The following ACYP2 variants were observed in gnomAD, a reference collection of about 807,000 sequenced individuals.
ACYP2 encodes acylphosphatase 2.
A neutral mutation model predicts 11.2 loss-of-function variants in ACYP2; 12 were observed. The observed-to-expected ratio is 1.08, with a 90% CI of 0.69 to 1.74. The LOEUF is 1.74. Among genes scored for constraint, ACYP2 ranks in the 40% most tolerant of loss-of-function variants. ACYP2 has a pLI of 0.00. For synonymous variants in ACYP2, 43 were observed against 32.2 expected (o/e 1.33, Z -1.13); for missense variants, 134 against 101.9 (o/e 1.31, Z -1.35).
At chr2:54,084,242 G>A (rs1392416134) in intron 4 of ACYP2, among the ~76,000 whole-genome samples, 1 of 152,142 alleles carries the variant, frequency 6.6e-6, no homozygotes, top group Non-Finnish European at 1.5e-5. Context: ...TTTAGGGAAT[G>A]TCAGTTCAAG....
chr2:54,220,717 T>C (rs1423786527), intron 6 of ACYP2, among the ~76,000 whole-genome samples: 1 of 152,242 alleles, frequency 6.6e-6, no homozygotes. Flanking sequence ...ACTTCTGAAG[T>C]CTGAGTTACC....
chr2:54,269,925 G>C (rs1470002524), intron 6 of ACYP2, among the ~76,000 whole-genome samples: 2 of 152,122 alleles, frequency 1.3e-5, no homozygotes, highest in Admixed American at 1.3e-4. Flanking sequence ...ATAACAGTCT[G>C]TTGAGTTGAT....
intron 4 of ACYP2, among the ~76,000 whole-genome samples, chr2:54,091,948 T>C (rs1228571827): frequency 6.6e-6 from 1 of 152,018 alleles, no homozygotes; most frequent in African/African-American, 2.4e-5. Flanking sequence ...TTTGTAATAG[T>C]CCGTGTGAGA....
At chr2:54,239,518 GC>G (rs774902829) in intron 6 of ACYP2, among the ~76,000 whole-genome samples, 6 of 152,150 alleles carry the variant, frequency 3.9e-5, no homozygotes, top group Non-Finnish European at 8.8e-5. Context: ...AGAAAAGCAT[GC>G]CCCATCCCAC....
intron 6 of ACYP2, among the ~76,000 whole-genome samples, chr2:54,276,636 CA>C (rs1558662831): frequency 2.3e-5 from 2 of 88,274 alleles, no homozygotes; most frequent in African/African-American, 1.1e-4. Context: ...CACACACACA[CA>C]CACACACACA....
chr2:54,274,072 G>A (rs943452481), intron 6 of ACYP2, among the ~76,000 whole-genome samples: 4 of 152,164 alleles, frequency 2.6e-5, no homozygotes, highest in Admixed American at 6.5e-5. Flanking sequence ...CTGAGACTGA[G>A]CAATTTACAA....
chr2:54,168,133 G>C (rs1042365842), intron 6 of ACYP2, among the ~76,000 whole-genome samples: 7 of 152,062 alleles, frequency 4.6e-5, no homozygotes, highest in African/African-American at 1.4e-4. Context: ...TGTCAAATCT[G>C]CTGTGTCCAG....
At chr2:54,071,347 C>A (rs1677031388) in intron 4 of ACYP2, among the ~76,000 whole-genome samples, 1 of 152,166 alleles carries the variant, frequency 6.6e-6, no homozygotes, top group African/African-American at 2.4e-5. Flanking sequence ...GTAAAACTAT[C>A]TCTGCTTACA....
intron 6 of ACYP2, among the ~76,000 whole-genome samples, chr2:54,204,360 T>C (rs1684987615): frequency 6.6e-6 from 1 of 151,954 alleles, no homozygotes; most frequent in Non-Finnish European, 1.5e-5. Context: ...TAGTGTATTT[T>C]ATGTGTGGCC....
chr2:54,080,919 C>T (rs1325516731), intron 4 of ACYP2, among the ~76,000 whole-genome samples: 1 of 152,176 alleles, frequency 6.6e-6, no homozygotes. Context: ...AGCCACCATG[C>T]CTGGCTGTTT....
chr2:54,066,196 A>G (rs1439721245), intron 4 of ACYP2: 1 of 152,196 alleles, frequency 6.6e-6, no homozygotes, highest in Non-Finnish European at 1.5e-5. Context: ...TCATGGCGGC[A>G]GTTTTCCTCA....
chr2:53,973,992 C>T (rs1204815614), intron 2 of ACYP2, among the ~76,000 whole-genome samples: 5 of 150,028 alleles, frequency 3.3e-5, no homozygotes, highest in African/African-American at 4.9e-5. Flanking sequence ...CTGCAATCTC[C>T]GCCTCCGGGG....
At chr2:54,230,005 A>T (rs1257997693) in intron 6 of ACYP2, among the ~76,000 whole-genome samples, 1 of 152,182 alleles carries the variant, frequency 6.6e-6, no homozygotes, top group Non-Finnish European at 1.5e-5. Flanking sequence ...TTCTCATGAG[A>T]TGGGTTTTAT....
chr2:54,121,386 A>C (rs547219848), intron 4 of ACYP2, among the ~76,000 whole-genome samples: 1 of 152,266 alleles, frequency 6.6e-6, no homozygotes, highest in Admixed American at 6.5e-5. Context: ...TGTGGACTCC[A>C]CCTGGAACTG....
chr2:54,255,607 T>C lies in ACYP2; in HGVS notation c.405-49081T>C, dbSNP rs752676197. ...CCCAGGCCCTGCCTCCCTGTTTACC[T>C]CATCTATTGCTCTGTTTTCTTCCGC... On this transcript the variant is annotated intron_variant, in intron 6 of 6. Coordinates refer to ENST00000607452, the MANE Select transcript of ACYP2 (RefSeq NM_001320586.2). 2.1e-5 allele frequency: 34 copies of C among 1,613,550 alleles called. No homozygotes were observed. The South Asian group carries it at 3.7e-4, about 18-fold the overall frequency.
intron 2 of ACYP2, among the ~76,000 whole-genome samples, chr2:54,045,894 GGA>G (rs1675495683): frequency 6.6e-6 from 1 of 151,908 alleles, no homozygotes; most frequent in Non-Finnish European, 1.5e-5. Context: ...GGCTAGGCTG[GGA>G]GCAGTGGCTC....
At chr2:54,143,735 T>G (rs933285409) in intron 6 of ACYP2, among the ~76,000 whole-genome samples, 1 of 76,788 alleles carries the variant, frequency 1.3e-5, no homozygotes, top group East Asian at 7.4e-4. Flanking sequence ...CCCAGCCGGT[T>G]TTTTTTTTTT....
At position 54,118,891 on chromosome 2, in the gene ACYP2, G is replaced by A. The variant is rs1324254949; in HGVS notation, c.278-16562G>A. Among the ~76,000 whole-genome samples the A allele has an allele frequency of 3.3e-5, 5 of 152,104 alleles. No individual in the cohort carries two copies. In the East Asian group the frequency reaches 9.7e-4, roughly 29 times the overall value. On this transcript the variant is annotated intron_variant, in intron 4 of 6. Coordinates refer to ENST00000607452, the MANE Select transcript of ACYP2 (RefSeq NM_001320586.2). Reference sequence around the variant, plus strand: ...TCCCTGACAATTTAGAATGTGCCAAGCTCTGTACTCAACATTTTACATATA... The same window carrying A: ...TCCCTGACAATTTAGAATGTGCCAAACTCTGTACTCAACATTTTACATATA...
chr2:54,244,352 C>A (rs1686860169), intron 6 of ACYP2, among the ~76,000 whole-genome samples: 1 of 152,100 alleles, frequency 6.6e-6, no homozygotes, highest in Admixed American at 6.5e-5. Context: ...CAGGTGTGCA[C>A]CACCACACCC....
Sources: allele counts gnomAD v4.1 joint callset (sites outside exome capture counted in the v4.1 genomes callset), GRCh38; gene constraint gnomAD v4.1.1; transcripts MANE v1.5; gene names NCBI Gene and HGNC (gene_info 2026-07-23, HGNC 2026-07-21).